Variants in FGF14 observed in about 807,000 individuals in gnomAD.
FGF14 encodes the protein fibroblast growth factor 14.
A neutral mutation model predicts 25.5 loss-of-function variants in FGF14; 5 were observed. The ratio of observed to expected loss-of-function variants is 0.20; its 90% CI spans 0.10 to 0.41. The LOEUF (loss-of-function observed/expected upper bound fraction) is 0.41. Among genes scored for constraint, FGF14 ranks in the 10% least tolerant of loss-of-function variants. The probability of loss-of-function intolerance (pLI) is 1.00; values close to 1 mark genes in which losing one functional copy is unlikely to be tolerated. For synonymous variants in FGF14, 138 were observed against 118.3 expected (o/e 1.17, Z -1.08); for missense variants, 222 against 320.1 (o/e 0.69, Z 2.34).
chr13:101,738,737 A>G (rs2036342529), intron 3 of FGF14, among the ~76,000 whole-genome samples: 1 of 152,032 alleles, frequency 6.6e-6, no homozygotes, highest in African/African-American at 2.4e-5. Flanking sequence ...TTTTCATATT[A>G]TATTATGAAA....
intron 1 of FGF14, among the ~76,000 whole-genome samples, chr13:102,362,367 A>T (rs1326220563): frequency 1.3e-5 from 2 of 152,136 alleles, no homozygotes; most frequent in African/African-American, 4.8e-5. Flanking sequence ...GCTGAATGTT[A>T]TCTCCTCTAT....
At chr13:102,050,777 GA>G (rs1185863099) in intron 1 of FGF14, among the ~76,000 whole-genome samples, 1 of 151,842 alleles carries the variant, frequency 6.6e-6, no homozygotes, top group African/African-American at 2.4e-5. Context: ...ACAGTAGAGA[GA>G]AAAAAAACAT....
At chr13:102,213,806 A>G (rs562274516) in intron 1 of FGF14, among the ~76,000 whole-genome samples, 1 of 152,256 alleles carries the variant, frequency 6.6e-6, no homozygotes, top group Non-Finnish European at 1.5e-5. Context: ...TGTCCCAGCC[A>G]TCAGTTACCA....
intron 1 of FGF14, among the ~76,000 whole-genome samples, chr13:102,140,834 C>A (rs147290414): frequency 3.3e-5 from 5 of 152,080 alleles, no homozygotes; most frequent in Non-Finnish European, 5.9e-5. Context: ...CGTATTACTT[C>A]GGCAAAAAGT....
intron 1 of FGF14, among the ~76,000 whole-genome samples, chr13:101,893,375 GATT>G (rs760297215): frequency 5.6e-4 from 85 of 152,278 alleles, no homozygotes; most frequent in Non-Finnish European, 1.1e-3. Context: ...GATGTATTGT[GATT>G]ATGTGTCCAT....
At chr13:102,271,556 G>C (rs1164542706) in intron 1 of FGF14, among the ~76,000 whole-genome samples, 2 of 152,152 alleles carry the variant, frequency 1.3e-5, no homozygotes, top group Non-Finnish European at 2.9e-5. Flanking sequence ...CCCCAGATGA[G>C]TGAGCTCCTT....
At chr13:101,866,117 TTTC>T (rs1480382576) in intron 3 of FGF14, among the ~76,000 whole-genome samples, 1 of 152,038 alleles carries the variant, frequency 6.6e-6, no homozygotes. Context: ...TATCAAACTT[TTTC>T]TTGACAAATT....
Position 101,722,478 on chromosome 13 carries a change from A to T in FGF14, c.*353T>A, listed in dbSNP as rs949997532. The T allele has an allele frequency of 5.8e-6, 2 of 347,732 alleles. No homozygotes were observed. The highest frequency in any genetic ancestry group is 4.2e-5 in the African/African-American group (2 of 47,382). 21.5% of individuals were successfully genotyped at this position (347,732 alleles called of 1,614,324 possible). On this transcript the variant is annotated 3_prime_UTR_variant, in exon 5 of 5. Coordinates refer to ENST00000376143, the MANE Select transcript of FGF14 (RefSeq NM_004115.4). ...TTAAACACATAGATTTCGCTGAAAC[A>T]GGACTCAAAAAGGATTATGGGTAGC...
chr13:102,355,084 C>G (rs2057384918), intron 1 of FGF14, among the ~76,000 whole-genome samples: 2 of 152,152 alleles, frequency 1.3e-5, no homozygotes, highest in Admixed American at 1.3e-4. Flanking sequence ...TTTTTCACCT[C>G]TGTATTTTCT....
intron 1 of FGF14, among the ~76,000 whole-genome samples, chr13:102,033,209 T>C (rs2041298305): frequency 6.6e-6 from 1 of 152,150 alleles, no homozygotes; most frequent in Non-Finnish European, 1.5e-5. Context: ...TTCCAGAACA[T>C]TTTGAATCCC....
intron 1 of FGF14, among the ~76,000 whole-genome samples, chr13:102,022,081 T>C (rs2040683891): frequency 1.3e-5 from 2 of 152,096 alleles, no homozygotes; most frequent in African/African-American, 2.4e-5. Flanking sequence ...CCTTACTTCA[T>C]GGATTCCCTC....
intron 1 of FGF14, among the ~76,000 whole-genome samples, chr13:102,222,562 G>A (rs1449667256): frequency 6.6e-6 from 1 of 152,166 alleles, no homozygotes; most frequent in East Asian, 1.9e-4. Context: ...AGCTGTTAAA[G>A]AATTCTCTTT....
intron 1 of FGF14, among the ~76,000 whole-genome samples, chr13:102,280,033 T>C (rs117077499): frequency 9.3e-4 from 142 of 152,336 alleles, no homozygotes; most frequent in Non-Finnish European, 1.6e-3. Flanking sequence ...AGGGAGGAAG[T>C]TGTATACATA....
chr13:102,206,578 A>G (rs2049936601), intron 1 of FGF14, among the ~76,000 whole-genome samples: 1 of 151,896 alleles, frequency 6.6e-6, no homozygotes, highest in African/African-American at 2.4e-5. Flanking sequence ...CTACTCAGTA[A>G]GTTGAGGTGG....
In FGF14 at chr13:101,712,648, T is replaced by C. The variant is rs557547091; in HGVS notation, c.*10183A>G. On this transcript the variant is annotated 3_prime_UTR_variant, in exon 5 of 5. Coordinates refer to ENST00000376143, the MANE Select transcript of FGF14 (RefSeq NM_004115.4). Reference sequence around the variant, plus strand: ...ACTAATTTTCCTTCACTCATGGAAATAAAACACTAAGTATGGTGCCTTTCG... The same window carrying C: ...ACTAATTTTCCTTCACTCATGGAAACAAAACACTAAGTATGGTGCCTTTCG... 5 of 152,262 alleles carry C rather than the reference T, an allele frequency of 3.3e-5. No individual in the cohort carries two copies. The highest frequency in any genetic ancestry group is 3.3e-4 in the Admixed American group (5 of 15,300). The allele number at this position is 152,262 out of a possible 1,614,324, so 9.4% of individuals were successfully genotyped here. A position where few individuals can be genotyped will look rare whatever the true frequency, so the allele number is the denominator to read the frequency against.
At chr13:102,215,772 A>G (rs2140937601) in intron 1 of FGF14, among the ~76,000 whole-genome samples, 1 of 152,320 alleles carries the variant, frequency 6.6e-6, no homozygotes, top group East Asian at 1.9e-4. Context: ...GAGTTTTTGA[A>G]TCATCTGAAA....
intron 1 of FGF14, among the ~76,000 whole-genome samples, chr13:102,063,943 A>G (rs1416513405): frequency 6.6e-6 from 1 of 152,194 alleles, no homozygotes. Context: ...GAATTTTTTG[A>G]GACATTTCCA....
chr13:102,232,706 G>A (rs1678200842), intron 1 of FGF14, among the ~76,000 whole-genome samples: 2 of 152,084 alleles, frequency 1.3e-5, no homozygotes, highest in South Asian at 4.1e-4. Flanking sequence ...AAATAAACAC[G>A]ATGTAAATCG....
chr13:102,236,595 G>A (rs1409355246), intron 1 of FGF14, among the ~76,000 whole-genome samples: 1 of 152,166 alleles, frequency 6.6e-6, no homozygotes, highest in Non-Finnish European at 1.5e-5. Flanking sequence ...GTGGAAAGAA[G>A]AGCCTGATCT....
Sources: gnomAD v4.1 joint callset for allele counts (sites outside exome capture counted in the v4.1 genomes callset) on GRCh38, gnomAD v4.1.1 for gene constraint, MANE v1.5 for transcripts, NCBI Gene and HGNC (gene_info 2026-07-23, HGNC 2026-07-21) for gene names.